The following CCDC57 variants were observed in gnomAD, a reference collection of about 807,000 sequenced individuals.
CCDC57 encodes coiled-coil domain-containing protein 57.
CCDC57 carries 118 observed loss-of-function variants against 118.9 expected under a neutral mutation model. The ratio of observed to expected loss-of-function variants is 0.99; its 90% CI spans 0.86 to 1.16. CCDC57 has a LOEUF of 1.16. Among genes scored for constraint, CCDC57 ranks in the 50% most tolerant of loss-of-function variants. The pLI is 0.00. For missense variants in CCDC57, 1,300 were observed against 1,320.7 expected, an observed-to-expected ratio of 0.98 and a Z score of 0.24; for synonymous variants, 527 against 532.9, an observed-to-expected ratio of 0.99 and a Z score of 0.15.
At chr17:82,196,196 C>T (rs972604889) in intron 4 of CCDC57, among the ~76,000 whole-genome samples, 1 of 152,204 alleles carries the variant, frequency 6.6e-6, no homozygotes, top group Non-Finnish European at 1.5e-5. Flanking sequence ...ACAGCTGGAT[C>T]CTCCTCAAAC....
chr17:82,128,718 AC>A, intron 17 of CCDC57, 121 bp from the exon 17 acceptor site: 2 of 810,852 alleles, frequency 2.5e-6, no homozygotes, highest in South Asian at 3.3e-5. Context: ...TTAAAGACTC[AC>A]ACCATTTGGT....
intron 19 of CCDC57, chr17:82,107,582 C>A (rs750199955): frequency 2.1e-6 from 1 of 470,884 alleles, no homozygotes; most frequent in East Asian, 6.9e-5. Context: ...TGAGGATGGG[C>A]GGATGGAGTT....
At chr17:82,166,021 C>A (rs1266217231) in intron 13 of CCDC57, among the ~76,000 whole-genome samples, 1 of 151,996 alleles carries the variant, frequency 6.6e-6, no homozygotes, top group East Asian at 1.9e-4. Flanking sequence ...TTACAGGAGG[C>A]TGCTTGTAAT....
At chr17:82,174,057 G>A (rs1299555949) in intron 11 of CCDC57, among the ~76,000 whole-genome samples, 3 of 152,238 alleles carry the variant, frequency 2.0e-5, no homozygotes, top group African/African-American at 4.8e-5. Flanking sequence ...CCCAGGGTCT[G>A]GCCCAACTCA....
At chr17:82,201,175 T>G (rs1220386822) in intron 3 of CCDC57, among the ~76,000 whole-genome samples, 2 of 152,236 alleles carry the variant, frequency 1.3e-5, no homozygotes, top group African/African-American at 2.4e-5. Context: ...TCATTTAGTT[T>G]TGAAATTACT....
intron 19 of CCDC57, among the ~76,000 whole-genome samples, chr17:82,125,921 A>G (rs1268317874): frequency 1.3e-5 from 2 of 152,130 alleles, no homozygotes; most frequent in African/African-American, 4.8e-5. Flanking sequence ...CAAAGGTGGG[A>G]GTCCGAATAT....
At chr17:82,198,020 T>G (rs1467779136) in intron 4 of CCDC57, among the ~76,000 whole-genome samples, 2 of 152,066 alleles carry the variant, frequency 1.3e-5, no homozygotes, top group African/African-American at 4.8e-5. Flanking sequence ...TTCCTACAAT[T>G]TATCTCCTAT....
At chr17:82,204,576 G>A (rs2049381013) in intron 2 of CCDC57, among the ~76,000 whole-genome samples, 1 of 152,212 alleles carries the variant, frequency 6.6e-6, no homozygotes, top group South Asian at 2.1e-4. Flanking sequence ...AAGGTCAGGA[G>A]ATTGAGACCA....
At chr17:82,173,721 C>G (rs999223493) in intron 11 of CCDC57, among the ~76,000 whole-genome samples, 3 of 152,114 alleles carry the variant, frequency 2.0e-5, no homozygotes, top group African/African-American at 7.2e-5. Flanking sequence ...CTAAAAGCAA[C>G]CCGAGAAAAG....
At chr17:82,139,975 A>T (rs1480933779) in intron 16 of CCDC57, among the ~76,000 whole-genome samples, 1 of 152,162 alleles carries the variant, frequency 6.6e-6, no homozygotes, top group African/African-American at 2.4e-5. Context: ...TACTTTCTGG[A>T]TATATAGAGA....
At chr17:82,175,524 A>T (rs1189876817) in intron 11 of CCDC57, 1 of 152,230 alleles carries the variant, frequency 6.6e-6, no homozygotes, top group Non-Finnish European at 1.5e-5. Flanking sequence ...GGAGAGGCTC[A>T]TCAGAAATTC....
intron 2 of CCDC57, among the ~76,000 whole-genome samples, chr17:82,206,990 C>T (rs1302466716): frequency 6.6e-6 from 1 of 152,160 alleles, no homozygotes; most frequent in African/African-American, 2.4e-5. Flanking sequence ...AACAAACCCC[C>T]TTTTTGCCTG....
intron 2 of CCDC57, among the ~76,000 whole-genome samples, chr17:82,205,575 C>A (rs1176580803): frequency 6.6e-6 from 1 of 152,178 alleles, no homozygotes; most frequent in Non-Finnish European, 1.5e-5. Flanking sequence ...TACTCCAGGT[C>A]CCCATGCCCC....
In CCDC57 at chr17:82,123,722, T is replaced by G. The variant is rs549490944; in HGVS notation, c.2899+3970A>C. Among the ~76,000 whole-genome samples, 5 of 151,928 alleles carry G rather than the reference T, an allele frequency of 3.3e-5. No individual in the cohort carries two copies. The South Asian group carries it at 1.0e-3, about 31-fold the overall frequency. On this transcript the variant is annotated intron_variant, in intron 19 of 19. Coordinates refer to ENST00000665763, the Ensembl canonical transcript of CCDC57. ...TAGAAATCAGTAACAGACAAAAAAATAAAATTCCACAAATCTAGAAACTTA... is the reference window on the plus strand; with the variant it reads ...TAGAAATCAGTAACAGACAAAAAAAGAAAATTCCACAAATCTAGAAACTTA...
At chr17:82,130,202 A>AT (rs1265095361) in intron 17 of CCDC57, among the ~76,000 whole-genome samples, 3 of 150,870 alleles carry the variant, frequency 2.0e-5, no homozygotes, top group Admixed American at 6.6e-5. Flanking sequence ...GTCTCAAAAC[A>AT]TTTTTTTTTG....
At chr17:82,124,754 G>A (rs1047951099) in intron 19 of CCDC57, among the ~76,000 whole-genome samples, 4 of 151,796 alleles carry the variant, frequency 2.6e-5, no homozygotes, top group African/African-American at 7.3e-5. Context: ...TGAGATTGCC[G>A]CACTGCACTC....
At chr17:82,158,913 C>G (rs1568308396) in intron 14 of CCDC57, among the ~76,000 whole-genome samples, 1 of 151,724 alleles carries the variant, frequency 6.6e-6, no homozygotes, top group Non-Finnish European at 1.5e-5. Context: ...GGCAGAGTGG[C>G]GCGATCGTGG....
At chr17:82,209,454 G>A (rs958343201) in intron 1 of CCDC57, among the ~76,000 whole-genome samples, 1 of 152,144 alleles carries the variant, frequency 6.6e-6, no homozygotes, top group Non-Finnish European at 1.5e-5. Flanking sequence ...TTACAAGTGC[G>A]TAACTTGTAA....
intron 9 of CCDC57, among the ~76,000 whole-genome samples, chr17:82,182,875 G>A (rs1334548315): frequency 4.0e-5 from 6 of 150,756 alleles, no homozygotes; most frequent in African/African-American, 1.5e-4. Flanking sequence ...TAGTAGAGAC[G>A]GGGTTTTACC....
Sources: allele counts gnomAD v4.1 joint callset (sites outside exome capture counted in the v4.1 genomes callset), GRCh38; gene constraint gnomAD v4.1.1; transcripts MANE v1.5; gene names NCBI Gene and HGNC (gene_info 2026-07-23, HGNC 2026-07-21).